SLC9A9: variants seen among roughly 807,000 people sequenced by gnomAD.
The protein encoded by SLC9A9 is solute carrier family 9 member A9.
SLC9A9 carries 62 observed loss-of-function variants against 77.8 expected under a neutral mutation model. That is an observed-to-expected ratio of 0.80 (90% CI 0.65 to 0.98). SLC9A9 has a LOEUF of 0.98. Ranked by LOEUF, SLC9A9 falls within the 50% of genes least tolerant of loss-of-function variation. The pLI is 0.00. For missense variants in SLC9A9, 775 were observed against 774.9 expected (o/e 1.00, Z 0.00); for synonymous variants, 320 against 283.5 (o/e 1.13, Z -1.29).
At chr3:143,656,377 C>T (rs762012826) in intron 5 of SLC9A9, among the ~76,000 whole-genome samples, 10 of 152,118 alleles carry the variant, frequency 6.6e-5, no homozygotes, top group African/African-American at 2.2e-4. Flanking sequence ...GATAAAAATA[C>T]AGATCATGAC....
At chr3:143,492,933 C>G (rs184537357) in intron 11 of SLC9A9, among the ~76,000 whole-genome samples, 407 of 152,296 alleles carry the variant, frequency 2.7e-3, no homozygotes, top group South Asian at 6.0e-3. Context: ...CAGGGAAAGA[C>G]TGAAGGTAGG....
intron 4 of SLC9A9, among the ~76,000 whole-genome samples, chr3:143,726,677 T>C (rs1934664015): frequency 6.6e-6 from 1 of 152,170 alleles, no homozygotes; most frequent in Non-Finnish European, 1.5e-5. Flanking sequence ...AATGTACATT[T>C]TGTGGCCAGA....
At chr3:143,672,238 T>C (rs1246850250) in intron 5 of SLC9A9, among the ~76,000 whole-genome samples, 1 of 152,190 alleles carries the variant, frequency 6.6e-6, no homozygotes. Flanking sequence ...CTTGAATTCT[T>C]GTGTAGAATA....
At position 143,574,168 on chromosome 3, in the gene SLC9A9, T is replaced by C; in HGVS notation, c.920A>G (p.Glu307Gly). The C allele has an allele frequency of 6.2e-7, 1 of 1,613,466 alleles. No homozygotes were observed. Among genetic ancestry groups the C allele is most frequent in the Non-Finnish European group, 8.5e-7 (1 of 1,179,580 alleles). ...CAGGCCGGTTTCCAGCATCGGGAAC[T>C]CACACAGCTTGGTAAATTTGGTCAA... ...ALLTKFTKLC[E>G]FPMLETGLFF... Residue 307 changes from glutamate (E) to glycine (G), a missense_variant, in exon 8 of 16, where the codon GAG becomes GGG. Coordinates refer to ENST00000316549, the MANE Select transcript of SLC9A9 (RefSeq NM_173653.4).
At chr3:143,301,295 T>G (rs1011444324) in intron 14 of SLC9A9, among the ~76,000 whole-genome samples, 1 of 152,246 alleles carries the variant, frequency 6.6e-6, no homozygotes, top group African/African-American at 2.4e-5. Context: ...AACTATAGTC[T>G]TCTATCTCTC....
chr3:143,505,204 C>T (rs540561323), intron 9 of SLC9A9, among the ~76,000 whole-genome samples: 1 of 152,178 alleles, frequency 6.6e-6, no homozygotes, highest in East Asian at 1.9e-4. Flanking sequence ...CAAGCCAACC[C>T]CTCCTACACT....
intron 4 of SLC9A9, among the ~76,000 whole-genome samples, chr3:143,786,452 T>C (rs115802125): frequency 0.018 from 2,815 of 152,318 alleles, 32 homozygotes; most frequent in African/African-American, 0.024. Context: ...GAGGTTGTGA[T>C]AGGCAGCTAG....
chr3:143,546,985 A>C (rs1444750895), intron 9 of SLC9A9, among the ~76,000 whole-genome samples: 1 of 152,052 alleles, frequency 6.6e-6, no homozygotes, highest in Non-Finnish European at 1.5e-5. Context: ...TGTTCTTATC[A>C]CTGTCATCAG....
intron 13 of SLC9A9, among the ~76,000 whole-genome samples, chr3:143,369,630 C>T (rs1362494134): frequency 6.6e-6 from 1 of 151,444 alleles, no homozygotes; most frequent in Non-Finnish European, 1.5e-5. Context: ...ACAATTATTA[C>T]GTGCCAGTTA....
At chr3:143,676,249 C>G (rs1166683798) in intron 5 of SLC9A9, among the ~76,000 whole-genome samples, 2 of 152,144 alleles carry the variant, frequency 1.3e-5, no homozygotes, top group African/African-American at 2.4e-5. Context: ...GACCTGTACC[C>G]GTCTGTGGCC....
intron 9 of SLC9A9, among the ~76,000 whole-genome samples, chr3:143,527,649 T>C (rs930847695): frequency 6.6e-6 from 1 of 152,256 alleles, no homozygotes; most frequent in Admixed American, 6.5e-5. Context: ...GGTTGGTTCC[T>C]TCCTGTCTAC....
chr3:143,390,302 G>A lies in SLC9A9; in HGVS notation c.1470-8188C>T, dbSNP rs1342709971. 2.0e-5 allele frequency among the ~76,000 whole-genome samples: 3 copies of A among 152,220 alleles called. No individual in the cohort carries two copies. In the East Asian group the frequency reaches 5.8e-4, roughly 29 times the overall value. ...ATTACTAGGTAACAGCTAAGAAGAG[G>A]CACAGAGCATGAACATTAGGAGTTA... On this transcript the variant is annotated intron_variant, in intron 12 of 15. Transcript: ENST00000316549.
chr3:143,726,789 CAT>C (rs1934666320), intron 4 of SLC9A9, among the ~76,000 whole-genome samples: 1 of 151,934 alleles, frequency 6.6e-6, no homozygotes. Flanking sequence ...GGGAAGAAAT[CAT>C]ATTCTGGGAG....
intron 9 of SLC9A9, among the ~76,000 whole-genome samples, chr3:143,527,860 T>C (rs2036431151): frequency 6.6e-6 from 1 of 152,026 alleles, no homozygotes; most frequent in Non-Finnish European, 1.5e-5. Context: ...GGGGCAGGAT[T>C]AGTAGGACAG....
chr3:143,840,345 G>A (rs1301249775), intron 1 of SLC9A9, among the ~76,000 whole-genome samples: 1 of 79,806 alleles, frequency 1.3e-5, no homozygotes, highest in African/African-American at 3.7e-5. Flanking sequence ...CAGAAGCATA[G>A]TTAATGGTTC....
At chr3:143,344,787 T>C (rs896244214) in intron 14 of SLC9A9, among the ~76,000 whole-genome samples, 8 of 152,330 alleles carry the variant, frequency 5.3e-5, no homozygotes, top group East Asian at 3.9e-4. Flanking sequence ...CAAAAAAGAC[T>C]TGACCCTGTG....
intron 4 of SLC9A9, among the ~76,000 whole-genome samples, chr3:143,787,861 A>C (rs1317395975): frequency 1.3e-5 from 2 of 151,062 alleles, no homozygotes; most frequent in Non-Finnish European, 3.0e-5. Context: ...TTATAAATGT[A>C]AATATATATA....
At chr3:143,471,652 CTTTCTT>C (rs1287457315) in intron 11 of SLC9A9, among the ~76,000 whole-genome samples, 2 of 152,046 alleles carry the variant, frequency 1.3e-5, no homozygotes, top group South Asian at 2.1e-4. Context: ...TGGGTTTTAT[CTTTCTT>C]TTTCTTTTTG....
rs752244158 is a variant in SLC9A9, at chr3:143,578,742, G to C, written c.756-19C>G. On this transcript the variant is annotated intron_variant, in intron 6 of 15. Transcript: ENST00000316549. The stretch of plus-strand genomic sequence containing the variant: ...TATAGAACTGAAAAGAGAAGAGGGT[G>C]GAGGTTAGTTAGTGACTTTCATCTC... The C allele has an allele frequency of 3.1e-6, 5 of 1,613,770 alleles. No homozygotes were observed. Among genetic ancestry groups the C allele is most frequent in the Non-Finnish European group, 4.2e-6 (5 of 1,179,770 alleles).
Sources: gnomAD v4.1 joint callset for allele counts (sites outside exome capture counted in the v4.1 genomes callset) on GRCh38, gnomAD v4.1.1 for gene constraint, MANE v1.5 for transcripts, NCBI Gene and HGNC (gene_info 2026-07-23, HGNC 2026-07-21) for gene names.